Variants in CAPN3 observed in about 807,000 individuals in gnomAD.
CAPN3 encodes the protein calpain-3.
A neutral mutation model predicts 114.0 loss-of-function variants in CAPN3; 88 were observed. The observed-to-expected ratio is 0.77, with a 90% confidence interval of 0.65 to 0.92. The LOEUF is 0.92. CAPN3 is among the 40% of genes least tolerant of loss of function. CAPN3 has a pLI of 0.00. For synonymous variants in CAPN3, 386 were observed against 382.9 expected, an observed-to-expected ratio of 1.01 and a Z score of -0.09; for missense variants, 1,028 against 1,069.0, an observed-to-expected ratio of 0.96 and a Z score of 0.53.
chr15:42,372,163 AT>A (rs199555902), intron 1 of CAPN3, among the ~76,000 whole-genome samples: 4 of 150,960 alleles, frequency 2.6e-5, no homozygotes, highest in South Asian at 2.1e-4. Context: ...CATCTTTAAC[AT>A]TTTTTTTTCT....
chr15:42,394,236 G>A lies in CAPN3; in HGVS notation c.1030-20G>A. The A allele has an allele frequency of 6.4e-7, 1 of 1,551,264 alleles. No homozygotes were observed. Among genetic ancestry groups the A allele is most frequent in the South Asian group, 1.2e-5 (1 of 84,094 alleles). ...TCCAGAGAGGCTGCAGAGCATGAGA[G>A]CTCTTTCTGTGTGCTTAAGGTCCCG... On this transcript the variant is annotated intron_variant, in intron 7 of 23. Transcript: ENST00000397163.
intron 1 of CAPN3, among the ~76,000 whole-genome samples, chr15:42,380,973 C>T (rs971680745): frequency 2.6e-5 from 4 of 151,772 alleles, no homozygotes; most frequent in African/African-American, 9.7e-5. Context: ...ACGTTTTCAA[C>T]CAAGTCCACC....
chr15:42,408,417 G>T (rs769742122), intron 16 of CAPN3, 93 bp downstream of exon 16: 8 of 786,150 alleles, frequency 1.0e-5, no homozygotes, highest in Non-Finnish European at 1.8e-5. Flanking sequence ...CTTCCCAGGA[G>T]TTTGTCTTGA....
intron 22 of CAPN3, 89 bp from the exon 23 acceptor site, chr15:42,411,198 A>T: frequency 8.7e-7 from 1 of 1,148,184 alleles, no homozygotes; most frequent in Non-Finnish European, 1.3e-6. Context: ...GAGGGACAGC[A>T]CTGGGCACAT....
At chr15:42,394,464 T>C (rs1418797973) in intron 8 of CAPN3, 123 bp downstream of exon 8, 6 of 808,244 alleles carry the variant, frequency 7.4e-6, no homozygotes, top group East Asian at 5.4e-5. Context: ...TCAAAACCAA[T>C]GATCCGCAGA....
chr15:42,411,268 C>A lies in CAPN3; in HGVS notation c.2381-19C>A. Reference sequence around the variant, plus strand: ...GAGTGCGCCTGTAACTGGCCTCTGGCCTGTGCATTCTTTCACAGGAGCTTT... The same window carrying A: ...GAGTGCGCCTGTAACTGGCCTCTGGACTGTGCATTCTTTCACAGGAGCTTT... On this transcript the variant is annotated intron_variant, in intron 22 of 23. Coordinates refer to ENST00000397163, the MANE Select transcript of CAPN3 (RefSeq NM_000070.3). 1 of 1,612,310 alleles carries A rather than the reference C, an allele frequency of 6.2e-7. No homozygotes were observed. Among genetic ancestry groups the A allele is most frequent in the Non-Finnish European group, 8.5e-7 (1 of 1,178,298 alleles).
At chr15:42,385,263 G>A (rs928956069) in intron 2 of CAPN3, among the ~76,000 whole-genome samples, 1 of 152,194 alleles carries the variant, frequency 6.6e-6, no homozygotes, top group Non-Finnish European at 1.5e-5. Context: ...CAGAAGGGGA[G>A]GCTGAGAATA....
chr15:42,410,439 T>G lies in CAPN3; in HGVS notation c.2127T>G (p.Ser709=). ...SMIALMDTDG[S]GKLNLQEFHH... The stretch of plus-strand genomic sequence containing the variant: ...CCTCCCTCCTCCAGACAGATGGCTC[T>G]GGAAAGCTCAACCTGCAGGAGTTCC... Residue 709 remains serine (S), a synonymous_variant, in exon 20 of 24, where the codon TCT becomes TCG. Transcript: ENST00000397163. The G allele has an allele frequency of 6.2e-7, 1 of 1,614,110 alleles. No homozygotes were observed. Among genetic ancestry groups the G allele is most frequent in the Non-Finnish European group, 8.5e-7 (1 of 1,180,006 alleles).
intron 4 of CAPN3, among the ~76,000 whole-genome samples, chr15:42,388,526 C>T (rs1013750555): frequency 9.9e-5 from 15 of 152,170 alleles, no homozygotes; most frequent in Admixed American, 6.5e-4. Flanking sequence ...AGACTGGTCT[C>T]GAACTCTTGG....
At chr15:42,410,761 G>A in intron 21 of CAPN3, 95 bp downstream of exon 21, 6 of 1,357,618 alleles carry the variant, frequency 4.4e-6, no homozygotes, top group Non-Finnish European at 6.3e-6. Context: ...CTAGAGAAAG[G>A]AGAGGGAAAG....
At chr15:42,406,877 G>A (rs2054038878) in intron 15 of CAPN3, among the ~76,000 whole-genome samples, 1 of 152,132 alleles carries the variant, frequency 6.6e-6, no homozygotes, top group African/African-American at 2.4e-5. Flanking sequence ...CTGCTTAGAA[G>A]GCAGAGCAAG....
At chr15:42,402,616 A>T in intron 12 of CAPN3, 178 bp from the exon 13 acceptor site, 1 of 1,520,524 alleles carries the variant, frequency 6.6e-7, no homozygotes. Context: ...ATCACAACAG[A>T]AAAGGAAGAG....
intron 21 of CAPN3, 70 bp downstream of exon 21, chr15:42,410,736 G>A (rs2054192195): frequency 1.4e-6 from 2 of 1,391,290 alleles, no homozygotes; most frequent in African/African-American, 2.8e-5. Context: ...AGGGGACTAG[G>A]CTACTAGGGC....
At position 42,410,867 on chromosome 15, in the gene CAPN3, C is replaced by T; in HGVS notation, c.2264-17C>T. 2 of 1,597,282 alleles carry T rather than the reference C, an allele frequency of 1.3e-6. No homozygotes were observed. The highest frequency in any genetic ancestry group is 1.7e-6 in the Non-Finnish European group (2 of 1,164,624). On this transcript the variant is annotated splice_polypyrimidine_tract_variant and intron_variant, in intron 21 of 23. Coordinates refer to ENST00000397163, the MANE Select transcript of CAPN3 (RefSeq NM_000070.3). ...CCTCCAGCTCCACGTCCACCTCTAA[C>T]ATGGTCCCCTCCACAGGATTCCACC...
At chr15:42,390,753 C>T (rs1176126320) in intron 6 of CAPN3, among the ~76,000 whole-genome samples, 2 of 149,994 alleles carry the variant, frequency 1.3e-5, no homozygotes, top group Non-Finnish European at 3.0e-5. Context: ...TACCTCTTTG[C>T]AGCCTGCTTT....
At chr15:42,378,041 G>A (rs917690055) in intron 1 of CAPN3, among the ~76,000 whole-genome samples, 3 of 152,142 alleles carry the variant, frequency 2.0e-5, no homozygotes, top group East Asian at 1.9e-4. Flanking sequence ...CAGCTCGTGC[G>A]ACGGATGAAT....
chr15:42,380,546 AAT>A (rs1475142852), intron 1 of CAPN3, among the ~76,000 whole-genome samples: 9 of 146,968 alleles, frequency 6.1e-5, no homozygotes, highest in Non-Finnish European at 1.0e-4. Flanking sequence ...ATGCCAAACT[AAT>A]ATGTTTGTAT....
intron 6 of CAPN3, 42 bp from the exon 7 acceptor site, chr15:42,392,597 G>A (rs371902039): frequency 2.0e-6 from 3 of 1,510,262 alleles, no homozygotes; most frequent in African/African-American, 1.4e-5. Context: ...CAGAACTTCT[G>A]TTCCCCCGCC....
At chr15:42,381,571 C>T (rs1382965345) in intron 1 of CAPN3, among the ~76,000 whole-genome samples, 2 of 152,176 alleles carry the variant, frequency 1.3e-5, no homozygotes, top group East Asian at 3.8e-4. Flanking sequence ...GACAGAGTCT[C>T]ACTCTGTCGC....
Sources: gnomAD v4.1 joint callset for allele counts (sites outside exome capture counted in the v4.1 genomes callset) on GRCh38, gnomAD v4.1.1 for gene constraint, MANE v1.5 for transcripts, NCBI Gene and HGNC (gene_info 2026-07-23, HGNC 2026-07-21) for gene names.